MBP: variants seen among roughly 807,000 people sequenced by gnomAD.
MBP encodes the protein myelin basic protein.
Under a neutral mutation model 35.8 loss-of-function variants are expected in MBP, and 16 were observed. That is an observed-to-expected ratio of 0.45 (90% CI 0.30 to 0.68). The LOEUF (loss-of-function observed/expected upper bound fraction) is 0.68. Ranked by LOEUF, MBP falls within the 30% of genes least tolerant of loss-of-function variation. MBP has a pLI of 0.08. For synonymous variants in MBP, 143 were observed against 159.6 expected, an observed-to-expected ratio of 0.90 and a Z score of 0.78; for missense variants, 380 against 404.7, an observed-to-expected ratio of 0.94 and a Z score of 0.52.
At chr18:77,052,621 CTATGATT>C (rs1973536456) in intron 3 of MBP, among the ~76,000 whole-genome samples, 1 of 152,202 alleles carries the variant, frequency 6.6e-6, no homozygotes, top group South Asian at 2.1e-4. Flanking sequence ...GCGAATGCAG[CTATGATT>C]TATGAGTGTT....
chr18:77,124,722 C>T (rs1403102126), intron 1 of MBP, among the ~76,000 whole-genome samples: 6 of 152,196 alleles, frequency 3.9e-5, no homozygotes, highest in Non-Finnish European at 8.8e-5. Flanking sequence ...CACTTTACCT[C>T]CAGAGTTTCT....
chr18:77,032,197 T>A (rs1286680738), intron 3 of MBP, among the ~76,000 whole-genome samples: 1 of 152,138 alleles, frequency 6.6e-6, no homozygotes, highest in Non-Finnish European at 1.5e-5. Context: ...GGACGCTCCT[T>A]GTTTGTGGAA....
intron 2 of MBP, among the ~76,000 whole-genome samples, chr18:77,087,181 C>CATG (rs931655797): frequency 6.6e-6 from 1 of 152,228 alleles, no homozygotes; most frequent in African/African-American, 2.4e-5. Flanking sequence ...CCTGACCCAT[C>CATG]CAGGAGGCGA....
In MBP at chr18:77,010,001, A is replaced by T. The variant is rs1599054337; in HGVS notation, c.576+6831T>A. 2.9e-6 allele frequency: 3 copies of T among 1,039,634 alleles called. No individual in the cohort carries two copies. In the East Asian group the frequency reaches 7.8e-5, roughly 27 times the overall value. 64.4% of individuals were successfully genotyped at this position (1,039,634 alleles called of 1,614,324 possible). On this transcript the variant is annotated intron_variant, in intron 4 of 8. Coordinates refer to ENST00000355994, the MANE Select transcript of MBP (RefSeq NM_001025101.2). ...GCAATGCCCCAAAGTCCTCCAGCAA[A>T]TCTCCTCTAGAGCTGGCTTGGCAAG...
rs765575176 is a variant in MBP, at chr18:77,105,289, A to AAAAGAG, written c.-25-9_-25-4dup. Reference sequence around the variant, plus strand: ...TGAATGGATTGGCTCTTCAGAGGCTAAAAGAGAAAGAGAAAGTGTCAGCCC... The same window carrying AAAAGAG: ...TGAATGGATTGGCTCTTCAGAGGCTAAAAGAGAAAGAGAAAGAGAAAGTGTCAGCCC... On this transcript the variant is annotated splice_region_variant and splice_polypyrimidine_tract_variant and intron_variant, in intron 1 of 8. Transcript: ENST00000355994. 35 of 1,595,920 alleles carry AAAAGAG rather than the reference A, an allele frequency of 2.2e-5. No individual in the cohort carries two copies. The highest frequency in any genetic ancestry group is 1.7e-4 in the Middle Eastern group (1 of 6,042).
chr18:77,089,830 A>C (rs189193499), intron 2 of MBP, among the ~76,000 whole-genome samples: 30 of 152,346 alleles, frequency 2.0e-4, no homozygotes, highest in African/African-American at 6.7e-4. Flanking sequence ...ATGAGAAGTC[A>C]GTTCAGGCCC....
chr18:77,001,407 G>A (rs190714324), intron 4 of MBP, among the ~76,000 whole-genome samples: 120 of 152,346 alleles, frequency 7.9e-4, no homozygotes, highest in African/African-American at 2.7e-3. Context: ...AGCAGTCCAC[G>A]GCAGCTAATG....
In MBP at chr18:77,102,418, T is replaced by C. The variant is rs933775746; in HGVS notation, c.51+2793A>G. Among the ~76,000 whole-genome samples, 2 of 152,202 alleles carry C rather than the reference T, an allele frequency of 1.3e-5. No individual in the cohort carries two copies. Among genetic ancestry groups the C allele is most frequent in the African/African-American group, 4.8e-5 (2 of 41,442 alleles). ...CTTTTGTGATTCAAGTTTAATGCTC[T>C]ACTAAGCTATGCAGCATCACAGAAC... On this transcript the variant is annotated intron_variant, in intron 2 of 8. Coordinates refer to ENST00000355994, the MANE Select transcript of MBP (RefSeq NM_001025101.2). This position sits in a 1 kb window ranked among gnomAD's most constrained non-coding sequence, Gnocchi z 4.4.
At chr18:76,986,256 C>T (rs1599466328) in intron 7 of MBP, 1 of 985,512 alleles carries the variant, frequency 1.0e-6, no homozygotes, top group Non-Finnish European at 1.2e-6. Context: ...GTCCTTGAGC[C>T]CTCTCCTGAA....
At chr18:77,097,826 G>T (rs9945622) in intron 2 of MBP, among the ~76,000 whole-genome samples, 12,788 of 152,216 alleles carry the variant, frequency 0.084, 603 homozygotes, top group East Asian at 0.2. Context: ...GGGTGGAGCC[G>T]GTATTAGGGG....
intron 2 of MBP, among the ~76,000 whole-genome samples, chr18:77,100,508 GGTGTGTGTGTGTGT>G (rs57715344): frequency 8.2e-5 from 11 of 133,690 alleles, no homozygotes; most frequent in East Asian, 4.1e-4. Flanking sequence ...TAGAATTTGG[GGTGTGTGTGTGTGT>G]GTGTGTGTGT....
intron 2 of MBP, among the ~76,000 whole-genome samples, chr18:77,103,583 T>C (rs959081666): frequency 1.3e-5 from 2 of 152,210 alleles, no homozygotes; most frequent in Admixed American, 6.5e-5. Context: ...TCCGAGAACC[T>C]CCTGATACTT....
intron 1 of MBP, among the ~76,000 whole-genome samples, chr18:77,124,021 G>A (rs1344730864): frequency 6.6e-6 from 1 of 152,150 alleles, no homozygotes; most frequent in East Asian, 1.9e-4. Context: ...AGGGCATTTT[G>A]CTCTTGCCTG....
intron 1 of MBP, among the ~76,000 whole-genome samples, chr18:77,121,135 CA>C (rs1249338498): frequency 1.3e-5 from 2 of 151,828 alleles, no homozygotes; most frequent in African/African-American, 4.8e-5. Context: ...TTTGTCTCCA[CA>C]AAAAATAAAA....
At chr18:77,115,928 C>T (rs1976646648) in intron 1 of MBP, among the ~76,000 whole-genome samples, 1 of 150,864 alleles carries the variant, frequency 6.6e-6, no homozygotes, top group Non-Finnish European at 1.5e-5. Context: ...CACTGTGGTC[C>T]CTCAGAAGAC....
chr18:77,046,040 T>C (rs987928313), intron 3 of MBP, among the ~76,000 whole-genome samples: 1 of 152,232 alleles, frequency 6.6e-6, no homozygotes, highest in Non-Finnish European at 1.5e-5. Context: ...CATGTAATAT[T>C]ATATGAACTA....
chr18:77,014,625 C>T, intron 4 of MBP: 1 of 985,394 alleles, frequency 1.0e-6, no homozygotes, highest in Non-Finnish European at 1.2e-6. Flanking sequence ...CCAATGAATA[C>T]CCCAGATTTT....
At chr18:77,072,053 A>C (rs1974475215) in intron 2 of MBP, among the ~76,000 whole-genome samples, 1 of 152,198 alleles carries the variant, frequency 6.6e-6, no homozygotes, top group Non-Finnish European at 1.5e-5. Flanking sequence ...GCCCAGCTGA[A>C]GCTTCCTATG....
At chr18:77,062,447 A>G (rs1333055368) in intron 3 of MBP, among the ~76,000 whole-genome samples, 1 of 151,940 alleles carries the variant, frequency 6.6e-6, no homozygotes, top group Non-Finnish European at 1.5e-5. Context: ...GTCGTGCCTT[A>G]GAGTGTTTTC....
Sources: allele counts gnomAD v4.1 joint callset (sites outside exome capture counted in the v4.1 genomes callset), GRCh38; gene constraint gnomAD v4.1.1; non-coding constraint Gnocchi (gnomAD v3.1); transcripts MANE v1.5; gene names NCBI Gene and HGNC (gene_info 2026-07-23, HGNC 2026-07-21).